The following CYP27A1 variants were observed in gnomAD, a reference collection of about 807,000 sequenced individuals.
CYP27A1 encodes sterol 26-hydroxylase, mitochondrial.
Under a neutral mutation model 58.2 loss-of-function variants are expected in CYP27A1, and 46 were observed. The ratio of observed to expected loss-of-function variants is 0.79; its 90% CI spans 0.62 to 1.01. CYP27A1 has a LOEUF of 1.01. Ranked by LOEUF, CYP27A1 falls within the 50% of genes least tolerant of loss-of-function variation. The probability of loss-of-function intolerance (pLI) is 0.00; values close to 1 mark genes in which losing one functional copy is unlikely to be tolerated. For missense variants in CYP27A1, 704 were observed against 687.0 expected (o/e 1.02, Z -0.28); for synonymous variants, 274 against 285.1 (o/e 0.96, Z 0.39).
At chr2:218,787,920 C>A (rs1193845724) in intron 1 of CYP27A1, among the ~76,000 whole-genome samples, 1 of 152,224 alleles carries the variant, frequency 6.6e-6, no homozygotes, top group East Asian at 1.9e-4. Context: ...ACCCTCTGTT[C>A]TAGTTATCTA....
rs139862044 is a variant in CYP27A1, at chr2:218,813,133, G to C, written c.1017+37G>C. On this transcript the variant is annotated intron_variant, in intron 5 of 8. Transcript: ENST00000258415. Reference sequence around the variant, plus strand: ...GGGAGGGTGAGACCAGGGGCCCCCAGCTCCCAACCTGAACCAGTTCCCTAT... The same window carrying C: ...GGGAGGGTGAGACCAGGGGCCCCCACCTCCCAACCTGAACCAGTTCCCTAT... 8.2e-4 allele frequency: 1,295 copies of C among 1,575,136 alleles called. 6 individuals carry two copies. The African/African-American group carries it at 0.014, about 18-fold the overall frequency.
rs780908381 is a variant in CYP27A1, at chr2:218,812,920, A to G, written c.845-4A>G. ...TCCTTTCCTCTTCTCTGTTGCTTTC[A>G]CAGGGAAGAAGCTGATTGATGAGAA... On this transcript the variant is annotated splice_region_variant and splice_polypyrimidine_tract_variant and intron_variant, in intron 4 of 8. Transcript: ENST00000258415. The G allele has an allele frequency of 6.2e-7, 1 of 1,614,074 alleles. No individual in the cohort carries two copies. The highest frequency in any genetic ancestry group is 8.5e-7 in the Non-Finnish European group (1 of 1,180,004).
rs140061493 is a variant in CYP27A1, at chr2:218,802,228, C to G, written c.256-7349C>G. ...GGGCCACGTGCGTCACGGATAAGAA[C>G]CCCTTCCCCTCCCTTGTCCAAGTGT... is the stretch of plus-strand genomic sequence containing the variant. On this transcript the variant is annotated intron_variant, in intron 1 of 8. Transcript: ENST00000258415. Among the ~76,000 whole-genome samples the G allele has an allele frequency of 7.8e-4, 118 of 151,988 alleles. No homozygotes were observed. In the East Asian group the frequency reaches 0.022, roughly 28 times the overall value.
In CYP27A1 at chr2:218,809,597, C is replaced by T. The variant is rs141519183; in HGVS notation, c.276C>T (p.Tyr92=). 6.2e-4 allele frequency: 1,005 copies of T among 1,614,148 alleles called. No individual in the cohort carries two copies. Among genetic ancestry groups the T allele is most frequent in the Non-Finnish European group, 8.0e-4 (943 of 1,180,026 alleles). ...HQLQVLYKAK[Y]GPMWMSYLGP... ...CACAGGTGCTTTACAAGGCCAAGTACGGTCCAATGTGGATGTCCTACTTAG... is the reference window on the plus strand; with the variant it reads ...CACAGGTGCTTTACAAGGCCAAGTATGGTCCAATGTGGATGTCCTACTTAG... The change falls in exon 2 of 9, where the codon TAC becomes TAT. Residue 92 remains tyrosine (Y), a synonymous_variant. Coordinates refer to ENST00000258415, the MANE Select transcript of CYP27A1 (RefSeq NM_000784.4).
chr2:218,808,925 CT>C (rs1213985739), intron 1 of CYP27A1, among the ~76,000 whole-genome samples: 4 of 151,814 alleles, frequency 2.6e-5, no homozygotes, highest in Admixed American at 1.3e-4. Flanking sequence ...ATGGCCAGTA[CT>C]TTTTTTTATT....
In CYP27A1 at chr2:218,813,013, C is replaced by T. The variant is rs1943740830; in HGVS notation, c.934C>T (p.His312Tyr). 1.2e-6 allele frequency: 2 copies of T among 1,614,110 alleles called. No homozygotes were observed. The highest frequency in any genetic ancestry group is 1.3e-5 in the African/African-American group (1 of 74,938). Residue 312 changes from histidine to tyrosine, a missense_variant, in exon 5 of 9, where the codon CAC becomes TAC. Coordinates refer to ENST00000258415, the MANE Select transcript of CYP27A1 (RefSeq NM_000784.4). ...TGGCATCCAGGTGTCTGGCTACCTGCACTTCTTACTGGCCAGTGGACAGCT... is the reference window on the plus strand; with the variant it reads ...TGGCATCCAGGTGTCTGGCTACCTGTACTTCTTACTGGCCAGTGGACAGCT... ...PDGIQVSGYL[H>Y]FLLASGQLSP...
chr2:218,798,538 C>G (rs1336474450), intron 1 of CYP27A1, among the ~76,000 whole-genome samples: 1 of 152,094 alleles, frequency 6.6e-6, no homozygotes, highest in African/African-American at 2.4e-5. Flanking sequence ...GTGAAGTAGG[C>G]AAGTCAAATA....
chr2:218,807,222 G>A (rs1575204125), intron 1 of CYP27A1, among the ~76,000 whole-genome samples: 1 of 151,898 alleles, frequency 6.6e-6, no homozygotes, highest in African/African-American at 2.4e-5. Context: ...GCCTCCCAAA[G>A]TGCTGGGATT....
rs367855115 is a variant in CYP27A1 at position 218,813,037 on chromosome 2, C to T, written c.958C>T (p.Leu320Phe). 194 of 1,614,242 alleles carry T rather than the reference C, an allele frequency of 1.2e-4. No homozygotes were observed. The highest frequency in any genetic ancestry group is 1.0e-3 in the African/African-American group (76 of 75,054). ...YLHFLLASGQ[L>F]SPREAMGSLP... ...GCACTTCTTACTGGCCAGTGGACAG[C>T]TCAGTCCTCGGGAGGCCATGGGCAG... is the stretch of plus-strand genomic sequence containing the variant. The change falls in exon 5 of 9, where the codon CTC becomes TTC. Residue 320 changes from leucine to phenylalanine, a missense_variant. Physicochemically the swap from Leu to Phe is conservative, Grantham distance 22. Transcript: ENST00000258415.
Position 218,815,187 on chromosome 2 carries a change from CTTCTATCAT to C in CYP27A1, c.*160_*168del. On this transcript the variant is annotated 3_prime_UTR_variant, in exon 9 of 9. Transcript: ENST00000258415. Reference sequence around the variant, plus strand: ...TTGCACACACCCTGAGCTTTTGCCACTTCTATCATTTTTGAGCAACTCCCTCTCAGCTAA... The same window carrying C: ...TTGCACACACCCTGAGCTTTTGCCACTTTTGAGCAACTCCCTCTCAGCTAA... 1.2e-6 allele frequency: 1 copy of C among 814,826 alleles called. No individual in the cohort carries two copies. Among genetic ancestry groups the C allele is most frequent in the East Asian group, 2.7e-5 (1 of 37,278 alleles). 50.5% of individuals were successfully genotyped at this position (814,826 alleles called of 1,614,324 possible).
chr2:218,792,288 A>C (rs1204667101), intron 1 of CYP27A1, among the ~76,000 whole-genome samples: 1 of 152,226 alleles, frequency 6.6e-6, no homozygotes, highest in Non-Finnish European at 1.5e-5. Context: ...ATAAGTTATC[A>C]TAGGTAATTT....
In CYP27A1 at chr2:218,782,732, A is replaced by G. The variant is rs4646534; in HGVS notation, c.255+295A>G. On this transcript the variant is annotated intron_variant, in intron 1 of 8. Coordinates refer to ENST00000258415, the MANE Select transcript of CYP27A1 (RefSeq NM_000784.4). This position sits in a 1 kb window ranked among gnomAD's most constrained non-coding sequence, Gnocchi z 4.1. Reference sequence around the variant, plus strand: ...GGTTGAGGAGGGAGCTGTCTTGGGAAGAGAGTGGCAGAGGCAAATGTGTAA... The same window carrying G: ...GGTTGAGGAGGGAGCTGTCTTGGGAGGAGAGTGGCAGAGGCAAATGTGTAA... Among the ~76,000 whole-genome samples the G allele has an allele frequency of 0.069, 10,498 of 152,202 alleles. 432 individuals are homozygous for G. The highest frequency in any genetic ancestry group is 0.11 in the African/African-American group (4,565 of 41,536).
rs947806555 is a variant in CYP27A1, at chr2:218,793,526, AT to A, written c.255+11090del. Reference sequence around the variant, plus strand: ...CAGTTTATGTAAAAAGTGAACAAAAATATTTTACTGTCTTATTAACACTACA... The same window carrying A: ...CAGTTTATGTAAAAAGTGAACAAAAAATTTTACTGTCTTATTAACACTACA... On this transcript the variant is annotated intron_variant, in intron 1 of 8. Transcript: ENST00000258415. 3.4e-4 allele frequency among the ~76,000 whole-genome samples: 52 copies of A among 152,236 alleles called. 1 individual carries two copies. The highest frequency in any genetic ancestry group is 1.2e-3 in the African/African-American group (50 of 41,456).
Position 218,814,534 on chromosome 2 carries a change from T to C in CYP27A1, c.1264-11T>C. ...AGAGAGGCATTCATGCTGCCCAATC[T>C]TCCTTTATAGACCCAGTTTGTGTTC... On this transcript the variant is annotated splice_polypyrimidine_tract_variant and intron_variant, in intron 7 of 8. Transcript: ENST00000258415. The C allele has an allele frequency of 6.2e-7, 1 of 1,614,156 alleles. No individual in the cohort carries two copies. The highest frequency in any genetic ancestry group is 1.1e-5 in the South Asian group (1 of 91,090).
In CYP27A1 at chr2:218,782,696, C is replaced by A. The variant is rs1456420101; in HGVS notation, c.255+259C>A. Among the ~76,000 whole-genome samples, 1 of 152,114 alleles carries A rather than the reference C, an allele frequency of 6.6e-6. No homozygotes were observed. Among genetic ancestry groups the A allele is most frequent in the Non-Finnish European group, 1.5e-5 (1 of 68,028 alleles). On this transcript the variant is annotated intron_variant, in intron 1 of 8. Coordinates refer to ENST00000258415, the MANE Select transcript of CYP27A1 (RefSeq NM_000784.4). This position sits in a 1 kb window ranked among gnomAD's most constrained non-coding sequence, Gnocchi z 4.1. ...GGGGGGGATCTGGACGCCGGACTTA[C>A]AGTGAGCAGAGGTTGAGGAGGGAGC...
intron 5 of CYP27A1, among the ~76,000 whole-genome samples, chr2:218,813,588 GC>G: frequency 6.6e-6 from 1 of 152,004 alleles, no homozygotes; most frequent in East Asian, 1.9e-4. Flanking sequence ...ACCATGCCCA[GC>G]TTTTTTTTTC....
intron 2 of CYP27A1, among the ~76,000 whole-genome samples, chr2:218,810,983 TA>T (rs545836420): frequency 2.7e-5 from 4 of 150,636 alleles, no homozygotes; most frequent in Non-Finnish European, 5.9e-5. Flanking sequence ...CCGACTCTAC[TA>T]AAAAAAAATA....
chr2:218,805,273 C>T (rs114834962), intron 1 of CYP27A1, among the ~76,000 whole-genome samples: 1 of 152,194 alleles, frequency 6.6e-6, no homozygotes, highest in Non-Finnish European at 1.5e-5. Context: ...TTCCCCACCC[C>T]CTTTCTATGT....
intron 1 of CYP27A1, among the ~76,000 whole-genome samples, chr2:218,787,282 C>T (rs1411048192): frequency 6.6e-6 from 1 of 152,212 alleles, no homozygotes; most frequent in Non-Finnish European, 1.5e-5. Flanking sequence ...ATGTGACACT[C>T]TTCTTCCCAG....
Sources: gnomAD v4.1 joint callset for allele counts (sites outside exome capture counted in the v4.1 genomes callset) on GRCh38, gnomAD v4.1.1 for gene constraint, Gnocchi (gnomAD v3.1) non-coding constraint, MANE v1.5 for transcripts, NCBI Gene and HGNC (gene_info 2026-07-23, HGNC 2026-07-21) for gene names.